The following UPRT variants were observed in gnomAD, a reference collection of about 807,000 sequenced individuals.
UPRT encodes the protein RP11-311P8.3.
UPRT carries 5 observed loss-of-function variants against 22.6 expected under a neutral mutation model. The ratio of observed to expected loss-of-function variants is 0.22; its 90% CI spans 0.12 to 0.47. UPRT has a LOEUF of 0.47. UPRT is among the 20% of genes least tolerant of loss of function. The pLI is 0.99. For missense variants in UPRT, 181 were observed against 239.9 expected, an observed-to-expected ratio of 0.75 and a Z score of 1.62; for synonymous variants, 77 against 87.7, an observed-to-expected ratio of 0.88 and a Z score of 0.68.
chrX:75,247,503 C>T (rs1007763976), intron 4 of UPRT, among the ~76,000 whole-genome samples: 1 of 111,653 alleles, frequency 9.0e-6, no homozygotes, highest in South Asian at 3.8e-4. Flanking sequence ...AGTCTGAGAT[C>T]AAACTGCAAA....
At chrX:75,157,558 A>G (rs1358994161) in intron 1 of UPRT, among the ~76,000 whole-genome samples, 1 of 112,016 alleles carries the variant, frequency 8.9e-6, no homozygotes, top group Non-Finnish European at 1.9e-5. Context: ...AGGGCCTTCT[A>G]TTTCATTCTA....
At chrX:75,260,596 C>A (rs1442979601) in intron 4 of UPRT, among the ~76,000 whole-genome samples, 1 of 112,033 alleles carries the variant, frequency 8.9e-6, no homozygotes, top group African/African-American at 3.2e-5. Context: ...CACCCAGATT[C>A]ATAAAGCAAG....
intron 1 of UPRT, 86 bp from the exon 2 acceptor site, chrX:75,293,386 C>T (rs2082714969): frequency 2.2e-6 from 2 of 894,688 alleles, no homozygotes; most frequent in African/African-American, 2.0e-5. Context: ...TGTTATAGGT[C>T]TTAATATCAG....
intron 4 of UPRT, among the ~76,000 whole-genome samples, chrX:75,191,362 C>T (rs1044101066): frequency 1.8e-5 from 2 of 111,874 alleles, no homozygotes; most frequent in Non-Finnish European, 3.8e-5. Flanking sequence ...GGGTACCCGG[C>T]CGTGTGAGGT....
At chrX:75,176,109 C>T (rs2147606862) in intron 4 of UPRT, among the ~76,000 whole-genome samples, 1 of 111,169 alleles carries the variant, frequency 9.0e-6, no homozygotes, top group Non-Finnish European at 1.9e-5. Flanking sequence ...GGATTTTATT[C>T]CTTTCCCTGG....
At chrX:75,163,410 C>A (rs2082205303) in intron 3 of UPRT, among the ~76,000 whole-genome samples, 1 of 111,947 alleles carries the variant, frequency 8.9e-6, no homozygotes, top group African/African-American at 3.2e-5. Flanking sequence ...ATTACATCAG[C>A]AAATTCCCTT....
At chrX:75,209,226 C>G (rs749196705) in intron 4 of UPRT, among the ~76,000 whole-genome samples, 8 of 111,157 alleles carry the variant, frequency 7.2e-5, no homozygotes, top group Non-Finnish European at 1.5e-4. Flanking sequence ...AAGATATGGG[C>G]TTACCAGAGA....
chrX:75,185,834 G>A (rs1442588286), intron 4 of UPRT, among the ~76,000 whole-genome samples: 1 of 111,274 alleles, frequency 9.0e-6, no homozygotes, highest in Non-Finnish European at 1.9e-5. Flanking sequence ...ATTCTCTGAT[G>A]GTAGTTTGTA....
At chrX:75,170,589 G>T (rs2082224555) in intron 4 of UPRT, among the ~76,000 whole-genome samples, 1 of 111,487 alleles carries the variant, frequency 9.0e-6, no homozygotes, top group African/African-American at 3.3e-5. Flanking sequence ...TATTAGTATT[G>T]AGATTTGAGA....
upstream of UPRT, chrX:75,274,070 G>A (rs1421685177): frequency 3.5e-6 from 2 of 571,476 alleles, no homozygotes; most frequent in African/African-American, 2.3e-5. Flanking sequence ...CGTCTGGTGT[G>A]GGCGGGAGTG....
At chrX:75,237,627 G>C (rs1387422878) in intron 4 of UPRT, among the ~76,000 whole-genome samples, 1 of 110,424 alleles carries the variant, frequency 9.1e-6, no homozygotes, top group African/African-American at 3.3e-5. Context: ...CATAAAAAAT[G>C]ATGAATTCAT....
At chrX:75,212,612 A>G (rs2082382957) in intron 4 of UPRT, among the ~76,000 whole-genome samples, 1 of 112,328 alleles carries the variant, frequency 8.9e-6, no homozygotes, top group East Asian at 2.8e-4. Context: ...TGTAGCCTTA[A>G]AAAAGAATGA....
chrX:75,157,985 T>C (rs2082187786), intron 1 of UPRT, among the ~76,000 whole-genome samples: 1 of 112,586 alleles, frequency 8.9e-6, no homozygotes, highest in African/African-American at 3.2e-5. Context: ...CTCTTAGGGC[T>C]GAATATTGCC....
chrX:75,175,842 C>A (rs148628716), intron 4 of UPRT, among the ~76,000 whole-genome samples: 1 of 111,639 alleles, frequency 9.0e-6, no homozygotes, highest in African/African-American at 3.3e-5. Flanking sequence ...ACTAAGGCTG[C>A]GGCCTTTCTC....
At chrX:75,166,305 GA>G (rs1483789870) in intron 3 of UPRT, among the ~76,000 whole-genome samples, 5 of 111,731 alleles carry the variant, frequency 4.5e-5, no homozygotes, top group Non-Finnish European at 9.4e-5. Flanking sequence ...AACCTATTCT[GA>G]AAAGAAATTG....
intron 4 of UPRT, among the ~76,000 whole-genome samples, chrX:75,184,504 C>T (rs1352321109): frequency 2.5e-4 from 26 of 105,308 alleles, no homozygotes; most frequent in Admixed American, 5.2e-4. Flanking sequence ...CTTGGCGATG[C>T]GGGCTCTTTT....
intron 4 of UPRT, among the ~76,000 whole-genome samples, chrX:75,204,775 G>A (rs780931280): frequency 2.7e-5 from 3 of 111,751 alleles, no homozygotes; most frequent in East Asian, 5.7e-4. Context: ...GGAGAGCTGC[G>A]CCAGCAGAGA....
At chrX:75,214,699 C>T (rs2082387978) in intron 4 of UPRT, among the ~76,000 whole-genome samples, 1 of 111,489 alleles carries the variant, frequency 9.0e-6, no homozygotes, top group African/African-American at 3.3e-5. Flanking sequence ...CACTTGAGTC[C>T]AGCAGTTTGA....
At chrX:75,264,608 T>C (rs1029113878) in intron 4 of UPRT, among the ~76,000 whole-genome samples, 4 of 110,679 alleles carry the variant, frequency 3.6e-5, no homozygotes, top group African/African-American at 1.3e-4. Context: ...ATTTTGAGCC[T>C]TTGTGTGTCA....
Sources: allele counts gnomAD v4.1 joint callset (sites outside exome capture counted in the v4.1 genomes callset), GRCh38; gene constraint gnomAD v4.1.1; transcripts MANE v1.5; gene names NCBI Gene and HGNC (gene_info 2026-07-23, HGNC 2026-07-21).